Variants in PTPRZ1 observed in about 807,000 individuals in gnomAD.
PTPRZ1 encodes the protein protein tyrosine phosphatase receptor type Z1.
Under a neutral mutation model 214.1 loss-of-function variants are expected in PTPRZ1, and 82 were observed. The observed-to-expected ratio is 0.38, with a 90% CI of 0.32 to 0.46. The LOEUF (loss-of-function observed/expected upper bound fraction) is 0.46, where lower values mean the gene tolerates loss of function less well. Among genes scored for constraint, PTPRZ1 ranks in the 20% least tolerant of loss-of-function variants. The probability of loss-of-function intolerance (pLI) is 1.00; values close to 1 mark genes in which losing one functional copy is unlikely to be tolerated. For synonymous variants in PTPRZ1, 945 were observed against 987.9 expected, an observed-to-expected ratio of 0.96 and a Z score of 0.81; for missense variants, 2,603 against 2,748.7, an observed-to-expected ratio of 0.95 and a Z score of 1.19.
chr7:122,015,135 C>T (rs1798807662), intron 12 of PTPRZ1, among the ~76,000 whole-genome samples: 3 of 152,098 alleles, frequency 2.0e-5, no homozygotes. Flanking sequence ...AAGTTCAATC[C>T]TATTAAGTAT....
At chr7:122,041,870 A>G (rs1341390200) in intron 21 of PTPRZ1, among the ~76,000 whole-genome samples, 1 of 152,194 alleles carries the variant, frequency 6.6e-6, no homozygotes. Context: ...AACTGAGGAA[A>G]ACAGGAAGAT....
chr7:122,061,152 T>C lies in PTPRZ1; in HGVS notation c.6880T>C (p.Ser2294Pro). Residue 2294 changes from serine to proline, a missense_variant, in exon 30 of 30, where the codon TCT becomes CCT. Coordinates refer to ENST00000393386, the MANE Select transcript of PTPRZ1 (RefSeq NM_002851.3). ...STRQEENPST[S>P]LDSNGAALPD... ...AAGGCAGGAAGAGAATCCATCCACCTCTCTGGACAGTAATGGTGCAGCATT... is the reference window on the plus strand; with the variant it reads ...AAGGCAGGAAGAGAATCCATCCACCCCTCTGGACAGTAATGGTGCAGCATT... 1 of 1,609,898 alleles carries C rather than the reference T, an allele frequency of 6.2e-7. No individual in the cohort carries two copies. The highest frequency in any genetic ancestry group is 8.5e-7 in the Non-Finnish European group (1 of 1,177,268).
intron 1 of PTPRZ1, among the ~76,000 whole-genome samples, chr7:121,902,893 A>G (rs989594810): frequency 6.6e-6 from 1 of 152,058 alleles, no homozygotes; most frequent in African/African-American, 2.4e-5. Flanking sequence ...TGCTTTCTGT[A>G]TTTCTTCAAG....
chr7:121,889,959 G>T (rs1376860098), intron 1 of PTPRZ1, among the ~76,000 whole-genome samples: 42 of 152,074 alleles, frequency 2.8e-4, no homozygotes, highest in Admixed American at 2.8e-3. Flanking sequence ...CACATACATT[G>T]TACTCCACTG....
intron 6 of PTPRZ1, among the ~76,000 whole-genome samples, chr7:121,978,268 C>A (rs1428829311): frequency 6.6e-6 from 1 of 152,156 alleles, no homozygotes; most frequent in Non-Finnish European, 1.5e-5. Flanking sequence ...CAGAACAGTT[C>A]TTGGATTAGC....
intron 8 of PTPRZ1, among the ~76,000 whole-genome samples, chr7:121,989,446 C>G (rs1176153796): frequency 6.8e-6 from 1 of 147,636 alleles, no homozygotes; most frequent in Non-Finnish European, 1.5e-5. Context: ...ACGATATCGG[C>G]TCACCGCAAC....
intron 2 of PTPRZ1, among the ~76,000 whole-genome samples, chr7:121,950,722 G>C (rs1297486111): frequency 6.6e-6 from 1 of 152,154 alleles, no homozygotes; most frequent in African/African-American, 2.4e-5. Context: ...GCATTGATTT[G>C]TTTATCTGTA....
At chr7:121,892,856 T>C (rs923357861) in intron 1 of PTPRZ1, among the ~76,000 whole-genome samples, 8 of 151,546 alleles carry the variant, frequency 5.3e-5, no homozygotes, top group African/African-American at 1.9e-4. Flanking sequence ...TTCAACCAAA[T>C]ATATCATTTT....
At chr7:121,910,939 ATAAAGT>A (rs1243258374) in intron 1 of PTPRZ1, among the ~76,000 whole-genome samples, 2 of 152,170 alleles carry the variant, frequency 1.3e-5, no homozygotes, top group Non-Finnish European at 2.9e-5. Context: ...GTCATGGAAA[ATAAAGT>A]TAAATTATTA....
chr7:122,054,990 G>GTGA lies in PTPRZ1; in HGVS notation c.6432_6434dup (p.Cys2144_Glu2145insAsp). 6.2e-7 allele frequency: 1 copy of GTGA among 1,608,216 alleles called. No individual in the cohort carries two copies. The highest frequency in any genetic ancestry group is 8.5e-7 in the Non-Finnish European group (1 of 1,176,880). On this transcript the variant is annotated inframe_insertion, in exon 27 of 30. Coordinates refer to ENST00000393386, the MANE Select transcript of PTPRZ1 (RefSeq NM_002851.3). ...CCAAATAAAGATGAGCCTATAAATT[G>GTGA]TGAGAGCTTTAAGGTCACTCTTATG...
intron 2 of PTPRZ1, among the ~76,000 whole-genome samples, chr7:121,932,673 TAATAAGCCATTTAGA>T (rs1342699915): frequency 1.3e-5 from 2 of 152,128 alleles, no homozygotes; most frequent in Non-Finnish European, 2.9e-5. Flanking sequence ...GTAAAAGAAC[TAATAAGCCATTTAGA>T]AATATTACAT....
chr7:122,061,231 G>T lies in PTPRZ1; in HGVS notation c.*11G>T. The T allele has an allele frequency of 6.4e-7, 1 of 1,571,182 alleles. No homozygotes were observed. ...GAGTCTTTAGTTTAACACAGAAAGGGGTGGGGGAACTCACATCTGAGCATT... is the reference window on the plus strand; with the variant it reads ...GAGTCTTTAGTTTAACACAGAAAGGTGTGGGGGAACTCACATCTGAGCATT... On this transcript the variant is annotated 3_prime_UTR_variant, in exon 30 of 30. Coordinates refer to ENST00000393386, the MANE Select transcript of PTPRZ1 (RefSeq NM_002851.3).
At chr7:121,949,242 C>T (rs895760544) in intron 2 of PTPRZ1, among the ~76,000 whole-genome samples, 14 of 152,134 alleles carry the variant, frequency 9.2e-5, no homozygotes, top group African/African-American at 3.1e-4. Flanking sequence ...AGGAGACAAT[C>T]AGATATGCAT....
At chr7:122,032,356 A>T (rs1191691050) in intron 15 of PTPRZ1, among the ~76,000 whole-genome samples, 1 of 152,224 alleles carries the variant, frequency 6.6e-6, no homozygotes, top group Non-Finnish European at 1.5e-5. Flanking sequence ...CAAACTTCAT[A>T]GAATTTAATT....
chr7:121,902,845 T>A (rs1023133351), intron 1 of PTPRZ1, among the ~76,000 whole-genome samples: 3 of 152,192 alleles, frequency 2.0e-5, no homozygotes, highest in Non-Finnish European at 4.4e-5. Context: ...TGATAATATC[T>A]GCCTTCATGC....
rs1212864628 is a variant in PTPRZ1 at position 121,873,567 on chromosome 7, A to G, written c.58+10A>G. ...TGTGTTTGCCGCCTGGGTGAGTGAGAAGAGCTCGGTGGGGTTTCAGCTCCG... is the reference window on the plus strand; with the variant it reads ...TGTGTTTGCCGCCTGGGTGAGTGAGGAGAGCTCGGTGGGGTTTCAGCTCCG... On this transcript the variant is annotated intron_variant, in intron 1 of 29. Coordinates refer to ENST00000393386, the MANE Select transcript of PTPRZ1 (RefSeq NM_002851.3). 1.2e-6 allele frequency: 2 copies of G among 1,611,030 alleles called. No individual in the cohort carries two copies. The highest frequency in any genetic ancestry group is 2.7e-5 in the African/African-American group (2 of 74,154).
At position 122,011,287 on chromosome 7, in the gene PTPRZ1, G is replaced by A. The variant is rs765842429; in HGVS notation, c.2241G>A (p.Gln747=). The part of the protein sequence containing the change: ...LVSTVNVVYS[Q]TTQPVYNGET... ...CCACGGTCAACGTGGTATACTCGCA[G>A]ACAACCCAACCGGTATACAATGGTG... The change falls in exon 12 of 30, where the codon CAG becomes CAA. Residue 747 remains glutamine, a synonymous_variant. Transcript: ENST00000393386. 4.3e-6 allele frequency: 7 copies of A among 1,614,074 alleles called. No homozygotes were observed. Among genetic ancestry groups the A allele is most frequent in the Admixed American group, 1.7e-5 (1 of 60,012 alleles).
chr7:122,038,938 C>T, intron 19 of PTPRZ1, 49 bp downstream of exon 19: 10 of 1,593,892 alleles, frequency 6.3e-6, no homozygotes, highest in Non-Finnish European at 8.6e-6. Context: ...ATTAGAGGTA[C>T]TTTAAATTAG....
At chr7:122,044,935 G>T (rs537681606) in intron 23 of PTPRZ1, among the ~76,000 whole-genome samples, 80 of 151,888 alleles carry the variant, frequency 5.3e-4, no homozygotes, top group Non-Finnish European at 9.1e-4. Flanking sequence ...GAGTGCGGTG[G>T]CTCAGGCTGT....
Sources: gnomAD v4.1 joint callset for allele counts (sites outside exome capture counted in the v4.1 genomes callset) on GRCh38, gnomAD v4.1.1 for gene constraint, MANE v1.5 for transcripts, NCBI Gene and HGNC (gene_info 2026-07-23, HGNC 2026-07-21) for gene names.